RALY: variants seen among roughly 807,000 people sequenced by gnomAD.
RALY encodes the protein RNA-binding protein Raly.
In RALY, 15 loss-of-function variants were observed where a neutral mutation model predicts 30.7. That is an observed-to-expected ratio of 0.49 (90% CI 0.33 to 0.75). The LOEUF (loss-of-function observed/expected upper bound fraction) is 0.75. Ranked by LOEUF, RALY falls within the 30% of genes least tolerant of loss-of-function variation. RALY has a pLI of 0.02. For missense variants in RALY, 339 were observed against 414.3 expected, an observed-to-expected ratio of 0.82 and a Z score of 1.58; for synonymous variants, 177 against 170.8, an observed-to-expected ratio of 1.04 and a Z score of -0.28.
chr20:34,077,620 C>T (rs76369874), intron 8 of RALY: 3 of 339,778 alleles, frequency 8.8e-6, no homozygotes, highest in East Asian at 1.7e-4. Context: ...TTTCTAAAAG[C>T]CATTGCTGCT....
rs528297127 is a variant in RALY at position 34,012,528 on chromosome 20, C to T, written c.-93+18397C>T. ...CCTTTCTTCTGCATCCTCCCCCACC[C>T]GCCATCCTTTGTTTTTTTCCTCACT... is the stretch of plus-strand genomic sequence containing the variant. On this transcript the variant is annotated intron_variant, in intron 1 of 9. Coordinates refer to ENST00000246194, the MANE Select transcript of RALY (RefSeq NM_016732.3). Among the ~76,000 whole-genome samples the T allele has an allele frequency of 1.2e-4, 18 of 152,246 alleles. No homozygotes were observed. In the East Asian group the frequency reaches 2.7e-3, roughly 23 times the overall value.
intron 2 of RALY, among the ~76,000 whole-genome samples, chr20:34,056,435 T>A (rs2033245579): frequency 6.6e-6 from 1 of 152,198 alleles, no homozygotes; most frequent in Non-Finnish European, 1.5e-5. Context: ...AGATGAAACA[T>A]AGGTTCTGGT....
rs1242004093 is a variant in RALY at position 33,993,925 on chromosome 20, G to C, written c.-299G>C. 1 of 151,828 alleles carries C rather than the reference G, an allele frequency of 6.6e-6. No individual in the cohort carries two copies. The highest frequency in any genetic ancestry group is 6.6e-5 in the Admixed American group (1 of 15,254). 9.4% of individuals were successfully genotyped at this position (151,828 alleles called of 1,614,324 possible). On this transcript the variant is annotated 5_prime_UTR_variant, in exon 1 of 10. Transcript: ENST00000246194. ...CTCGCGCCGCTGTCAGTGCGGCGGGGCGCGCGAGCGGCGCCAGCTCGGGGC... is the reference window on the plus strand; with the variant it reads ...CTCGCGCCGCTGTCAGTGCGGCGGGCCGCGCGAGCGGCGCCAGCTCGGGGC...
intron 8 of RALY, among the ~76,000 whole-genome samples, chr20:34,077,921 G>C (rs1000458360): frequency 6.6e-5 from 10 of 152,256 alleles, no homozygotes; most frequent in Non-Finnish European, 2.9e-5. Context: ...AGGAAATCGA[G>C]GCTCAGAAAG....
rs544231954 is a variant in RALY at position 34,084,757 on chromosome 20, TGA to T, written c.*4858_*4859del. The T allele has an allele frequency of 6.6e-6, 1 of 152,198 alleles. No individual in the cohort carries two copies. Among genetic ancestry groups the T allele is most frequent in the African/African-American group, 2.4e-5 (1 of 41,392 alleles). The allele number at this position is 152,198 out of a possible 1,614,324, so 9.4% of individuals were successfully genotyped here. A position where few individuals can be genotyped will look rare whatever the true frequency, so the allele number is the denominator to read the frequency against. ...TGACAGCAGTATCAAATGTCAGACA[TGA>T]GAGAGGAAGGCTTCAAGATGACTCC... On this transcript the variant is annotated 3_prime_UTR_variant, in exon 10 of 10. Transcript: ENST00000246194.
intron 2 of RALY, among the ~76,000 whole-genome samples, chr20:34,069,446 C>T (rs1351161264): frequency 2.0e-5 from 3 of 152,126 alleles, no homozygotes; most frequent in African/African-American, 7.2e-5. Flanking sequence ...CAGTAGAGGT[C>T]ACTCTTTGTA....
At chr20:34,014,447 C>T (rs1440196439) in intron 1 of RALY, among the ~76,000 whole-genome samples, 2 of 152,132 alleles carry the variant, frequency 1.3e-5, no homozygotes, top group Non-Finnish European at 2.9e-5. Flanking sequence ...TGCGGGTAAA[C>T]GTGACAGTTA....
intron 2 of RALY, among the ~76,000 whole-genome samples, chr20:34,070,112 T>G (rs975129602): frequency 2.0e-5 from 3 of 152,160 alleles, no homozygotes; most frequent in African/African-American, 7.2e-5. Context: ...GAGATACAGA[T>G]GTATCTTTTC....
At chr20:34,037,200 T>C (rs1210436510) in intron 2 of RALY, among the ~76,000 whole-genome samples, 2 of 152,204 alleles carry the variant, frequency 1.3e-5, no homozygotes, top group Non-Finnish European at 2.9e-5. Context: ...ACAATGTATA[T>C]GTGTTACCAG....
At chr20:34,005,338 G>A (rs527815771) in intron 1 of RALY, among the ~76,000 whole-genome samples, 4 of 152,154 alleles carry the variant, frequency 2.6e-5, no homozygotes, top group Non-Finnish European at 4.4e-5. Flanking sequence ...GTGAAACCCC[G>A]TCTCTACTAA....
At chr20:34,064,072 T>C (rs1323085357) in intron 2 of RALY, among the ~76,000 whole-genome samples, 2 of 152,202 alleles carry the variant, frequency 1.3e-5, no homozygotes, top group East Asian at 3.8e-4. Context: ...TTTGGATATT[T>C]ATAATTACAA....
chr20:34,081,506 A>C lies in RALY; in HGVS notation c.*1601A>C, dbSNP rs902308048. ...AAAAAGGGCTTTAGGTTTTCCCTCC[A>C]TCTTTACGTGTTGATCAAAGTTTGC... is the stretch of plus-strand genomic sequence containing the variant. On this transcript the variant is annotated 3_prime_UTR_variant, in exon 10 of 10. Coordinates refer to ENST00000246194, the MANE Select transcript of RALY (RefSeq NM_016732.3). 2.0e-5 allele frequency: 3 copies of C among 152,122 alleles called. No individual in the cohort carries two copies. The highest frequency in any genetic ancestry group is 6.6e-5 in the Admixed American group (1 of 15,266). 9.4% of individuals were successfully genotyped at this position (152,122 alleles called of 1,614,324 possible).
intron 2 of RALY, among the ~76,000 whole-genome samples, chr20:34,033,695 C>T (rs942486597): frequency 5.9e-5 from 9 of 152,112 alleles, no homozygotes; most frequent in African/African-American, 2.2e-4. Context: ...CATTAGGTCC[C>T]GCCTTAAACA....
At chr20:34,076,081 A>G (rs779972489) in intron 6 of RALY, 41 bp downstream of exon 6, 12 of 1,574,394 alleles carry the variant, frequency 7.6e-6, no homozygotes, top group East Asian at 6.8e-5. Flanking sequence ...TTGCATTTTT[A>G]TCATTAGCAA....
chr20:34,004,018 C>T (rs1362929328), intron 1 of RALY, among the ~76,000 whole-genome samples: 3 of 151,888 alleles, frequency 2.0e-5, no homozygotes, highest in Non-Finnish European at 4.4e-5. Context: ...GTTGTAAATA[C>T]TTGGCATTGT....
chr20:34,003,635 T>TTTG (rs2031022956), intron 1 of RALY, among the ~76,000 whole-genome samples: 2 of 104,920 alleles, frequency 1.9e-5, no homozygotes, highest in African/African-American at 1.6e-4. Flanking sequence ...TGCCAAACAG[T>TTTG]TTTTTTTTTT....
At chr20:34,047,367 G>A (rs2032917367) in intron 2 of RALY, among the ~76,000 whole-genome samples, 1 of 152,212 alleles carries the variant, frequency 6.6e-6, no homozygotes, top group Non-Finnish European at 1.5e-5. Context: ...TGGGGTAGGA[G>A]CAGGGGGCAG....
At chr20:34,008,791 T>G (rs2031275595) in intron 1 of RALY, among the ~76,000 whole-genome samples, 1 of 152,180 alleles carries the variant, frequency 6.6e-6, no homozygotes, top group Non-Finnish European at 1.5e-5. Context: ...CCTGAGTAGC[T>G]GGAATGACAG....
At chr20:34,005,774 G>T (rs1375620727) in intron 1 of RALY, among the ~76,000 whole-genome samples, 2 of 152,222 alleles carry the variant, frequency 1.3e-5, no homozygotes, top group Non-Finnish European at 2.9e-5. Flanking sequence ...GAGATATGCC[G>T]TGGGCAACCA....
Sources: gnomAD v4.1 joint callset for allele counts (sites outside exome capture counted in the v4.1 genomes callset) on GRCh38, gnomAD v4.1.1 for gene constraint, MANE v1.5 for transcripts, NCBI Gene and HGNC (gene_info 2026-07-23, HGNC 2026-07-21) for gene names.